Variants in TRPC7 observed in about 807,000 individuals in gnomAD.
TRPC7 encodes the protein transient receptor potential cation channel subfamily C member 7.
In TRPC7, 42 loss-of-function variants were observed where a neutral mutation model predicts 90.1. The ratio of observed to expected loss-of-function variants is 0.47; its 90% CI spans 0.36 to 0.60. TRPC7 has a LOEUF of 0.60. TRPC7 is among the 20% of genes least tolerant of loss of function. TRPC7 has a pLI of 0.00. For missense variants in TRPC7, 955 were observed against 1,112.3 expected (o/e 0.86, Z 2.01); for synonymous variants, 451 against 436.3 (o/e 1.03, Z -0.42).
intron 2 of TRPC7, among the ~76,000 whole-genome samples, chr5:136,343,349 T>C (rs748294684): frequency 6.6e-6 from 1 of 152,178 alleles, no homozygotes; most frequent in African/African-American, 2.4e-5. Context: ...AGGGCCTTAG[T>C]AGTAAGAAGG....
intron 3 of TRPC7, among the ~76,000 whole-genome samples, chr5:136,305,893 T>C (rs1758606206): frequency 6.6e-6 from 1 of 152,188 alleles, no homozygotes; most frequent in Non-Finnish European, 1.5e-5. Context: ...ACAATACTTT[T>C]ACCACTTTCC....
chr5:136,354,019 A>G (rs1390656299), intron 2 of TRPC7, among the ~76,000 whole-genome samples: 2 of 152,352 alleles, frequency 1.3e-5, no homozygotes, highest in African/African-American at 4.8e-5. Context: ...TAAGGCTGTC[A>G]TGCTCCCACA....
chr5:136,344,031 A>T (rs1419347170), intron 2 of TRPC7, among the ~76,000 whole-genome samples: 1 of 152,186 alleles, frequency 6.6e-6, no homozygotes, highest in African/African-American at 2.4e-5. Flanking sequence ...ATCAACCTCA[A>T]TGCTCATCAA....
intron 3 of TRPC7, among the ~76,000 whole-genome samples, chr5:136,291,500 T>G (rs1255526278): frequency 2.6e-5 from 4 of 152,148 alleles, no homozygotes; most frequent in African/African-American, 9.7e-5. Context: ...TCCTAGTCTC[T>G]GATAAAACAG....
chr5:136,328,652 T>C (rs1759413421), intron 2 of TRPC7, among the ~76,000 whole-genome samples: 1 of 152,228 alleles, frequency 6.6e-6, no homozygotes, highest in African/African-American at 2.4e-5. Context: ...ATCTACTTTA[T>C]AGGGTTGTTG....
chr5:136,317,673 A>C (rs545787702), intron 2 of TRPC7, among the ~76,000 whole-genome samples: 1 of 152,292 alleles, frequency 6.6e-6, no homozygotes, highest in South Asian at 2.1e-4. Flanking sequence ...AGAACAAGGA[A>C]TCTCTGGATG....
At chr5:136,282,909 G>C (rs187313601) in intron 3 of TRPC7, among the ~76,000 whole-genome samples, 6 of 152,260 alleles carry the variant, frequency 3.9e-5, no homozygotes. Flanking sequence ...CCTGCCCTTG[G>C]GAAGCCTGAT....
chr5:136,358,825 T>C (rs915505850), intron 1 of TRPC7, among the ~76,000 whole-genome samples: 2 of 152,204 alleles, frequency 1.3e-5, no homozygotes, highest in African/African-American at 4.8e-5. Context: ...TCTATTTTTC[T>C]TTTCTACTCT....
rs545856664 is a variant in TRPC7 at position 136,247,674 on chromosome 5, G to A, written c.1641C>T (p.Ala547=). ...QIISEGLYAI[A]VVLSFSRIAY... is the part of the protein sequence containing the mutation. The stretch of plus-strand genomic sequence containing the variant: ...CAATGCGAGAGAAGCTCAGCACGAC[G>A]GCTATCGCGTAGAGCCCTTCCGATA... Residue 547 remains alanine, a synonymous_variant, in exon 7 of 12, where the codon GCC becomes GCT. Transcript: ENST00000513104. The surrounding 1 kb of genome is among the most constrained non-coding windows in gnomAD (Gnocchi z 4.2). The A allele has an allele frequency of 3.7e-6, 6 of 1,613,846 alleles. No individual in the cohort carries two copies. The highest frequency in any genetic ancestry group is 1.3e-5 in the African/African-American group (1 of 74,902).
chr5:136,303,395 T>C (rs568676397), intron 3 of TRPC7, among the ~76,000 whole-genome samples: 20 of 152,210 alleles, frequency 1.3e-4, no homozygotes, highest in African/African-American at 4.3e-4. Flanking sequence ...CAGGACTTAG[T>C]TAACCTCACC....
chr5:136,270,848 G>A (rs557430064), intron 4 of TRPC7, among the ~76,000 whole-genome samples: 8 of 152,340 alleles, frequency 5.3e-5, no homozygotes, highest in Non-Finnish European at 7.4e-5. Flanking sequence ...GGGAACAGAA[G>A]CATTGGTGAC....
intron 1 of TRPC7, among the ~76,000 whole-genome samples, chr5:136,360,643 ACAAAATCAT>A (rs1329844751): frequency 6.6e-6 from 1 of 152,206 alleles, no homozygotes; most frequent in East Asian, 1.9e-4. Flanking sequence ...TTGGATGCTC[ACAAAATCAT>A]CAATTCTGTT....
At chr5:136,218,823 C>T (rs1580831038) in intron 10 of TRPC7, among the ~76,000 whole-genome samples, 1 of 152,112 alleles carries the variant, frequency 6.6e-6, no homozygotes, top group Non-Finnish European at 1.5e-5. Flanking sequence ...ATTGTGTCAG[C>T]CTCTCATAAA....
intron 2 of TRPC7, among the ~76,000 whole-genome samples, chr5:136,347,629 A>G (rs1042450916): frequency 4.6e-5 from 7 of 152,158 alleles, no homozygotes; most frequent in Non-Finnish European, 4.4e-5. Flanking sequence ...TTTCCAATAC[A>G]TCCGCTTTGC....
chr5:136,228,249 G>A (rs1300104959), intron 8 of TRPC7, among the ~76,000 whole-genome samples: 2 of 151,886 alleles, frequency 1.3e-5, no homozygotes, highest in Non-Finnish European at 2.9e-5. Flanking sequence ...TTTGGGCTCA[G>A]ATCCGAGGAG....
At chr5:136,330,520 G>C (rs1174145576) in intron 2 of TRPC7, among the ~76,000 whole-genome samples, 1 of 152,220 alleles carries the variant, frequency 6.6e-6, no homozygotes, top group Non-Finnish European at 1.5e-5. Context: ...GACTGCCCTT[G>C]TAGTGCTCTA....
intron 3 of TRPC7, among the ~76,000 whole-genome samples, chr5:136,297,539 C>T (rs1219696760): frequency 6.6e-6 from 1 of 151,868 alleles, no homozygotes; most frequent in Non-Finnish European, 1.5e-5. Flanking sequence ...AATACTTATA[C>T]TTCTGTAATA....
Position 136,225,295 on chromosome 5 carries a change from C to T in TRPC7, c.2322G>A (p.Leu774=). Residue 774 remains leucine (L), a synonymous_variant, in exon 10 of 12, where the codon TTG becomes TTA. Coordinates refer to ENST00000513104, the MANE Select transcript of TRPC7 (RefSeq NM_020389.3). ...NSENLTANNT[L]SKPTRYQKIM... ...TTACCTGGTATCTGGTGGGCTTGCT[C>T]AAAGTGTTATTTGCTGTCAGATTTT... 6.2e-7 allele frequency: 1 copy of T among 1,613,110 alleles called. No individual in the cohort carries two copies. The highest frequency in any genetic ancestry group is 1.3e-5 in the African/African-American group (1 of 74,900).
chr5:136,351,167 G>T (rs1760181502), intron 2 of TRPC7, among the ~76,000 whole-genome samples: 1 of 151,980 alleles, frequency 6.6e-6, no homozygotes, highest in Non-Finnish European at 1.5e-5. Context: ...TCCATCCACA[G>T]TTGGCTGAAT....
Sources: allele counts gnomAD v4.1 joint callset (sites outside exome capture counted in the v4.1 genomes callset), GRCh38; gene constraint gnomAD v4.1.1; non-coding constraint Gnocchi (gnomAD v3.1); transcripts MANE v1.5; gene names NCBI Gene and HGNC (gene_info 2026-07-23, HGNC 2026-07-21).